Variants in RGS7 observed in about 807,000 individuals in gnomAD.
The protein encoded by RGS7 is regulator of G-protein signaling 7.
In RGS7, 27 loss-of-function variants were observed where a neutral mutation model predicts 81.1. The ratio of observed to expected loss-of-function variants is 0.33; its 90% CI spans 0.25 to 0.46. The LOEUF (loss-of-function observed/expected upper bound fraction) is 0.46. RGS7 is among the 20% of genes least tolerant of loss of function. The pLI is 1.00. For synonymous variants in RGS7, 208 were observed against 207.7 expected (o/e 1.00, Z -0.01); for missense variants, 396 against 607.4 (o/e 0.65, Z 3.66).
chr1:241,343,004 T>C (rs1467462955), intron 2 of RGS7, among the ~76,000 whole-genome samples: 1 of 152,114 alleles, frequency 6.6e-6, no homozygotes, highest in Non-Finnish European at 1.5e-5. Flanking sequence ...GGCTCACACC[T>C]GGAATCTCAG....
At chr1:240,780,657 T>C (rs961690590) in intron 18 of RGS7, among the ~76,000 whole-genome samples, 2 of 151,992 alleles carry the variant, frequency 1.3e-5, no homozygotes, top group Non-Finnish European at 2.9e-5. Flanking sequence ...GGCTGACGCC[T>C]GTAATCTCAG....
rs529748246 is a variant in RGS7 at position 240,878,604 on chromosome 1, TA to T, written c.386-8486del. ...TTAAGGCCCATTAATACATTAGAGA[TA>T]AAAACTAATGTTAGGTATATATGAG... On this transcript the variant is annotated intron_variant, in intron 6 of 18. Coordinates refer to ENST00000440928, the MANE Select transcript of RGS7 (RefSeq NM_001364886.1). Among the ~76,000 whole-genome samples the T allele has an allele frequency of 1.6e-3, 246 of 151,652 alleles. 2 individuals carry two copies. Among genetic ancestry groups the T allele is most frequent in the African/African-American group, 5.9e-3 (245 of 41,372 alleles).
intron 3 of RGS7, among the ~76,000 whole-genome samples, chr1:241,048,955 G>A (rs35683744): frequency 0.19 from 28,477 of 152,104 alleles, 2,963 homozygotes; most frequent in Non-Finnish European, 0.23. Flanking sequence ...GACACTCCTC[G>A]GCTTGCAGCT....
intron 2 of RGS7, among the ~76,000 whole-genome samples, chr1:241,348,008 C>T (rs1345362766): frequency 6.6e-6 from 1 of 152,068 alleles, no homozygotes; most frequent in Non-Finnish European, 1.5e-5. Flanking sequence ...GCTATTTGTT[C>T]AAAGTCCTTT....
rs1160188284 is a variant in RGS7 at position 240,816,370 on chromosome 1, G to C, written c.730C>G (p.His244Asp). 4.3e-6 allele frequency: 7 copies of C among 1,611,878 alleles called. No individual in the cohort carries two copies. Among genetic ancestry groups the C allele is most frequent in the Non-Finnish European group, 5.9e-6 (7 of 1,178,224 alleles). The change falls in exon 11 of 19, where the codon CAC becomes GAC. Residue 244 changes from histidine to aspartate, a missense_variant. By Grantham distance (81) the His-to-Asp change is moderately conservative. Transcript: ENST00000440928. Reference protein sequence around the residue: ...QNDIRSHSPTHTPTPETKPPT... With the variant: ...QNDIRSHSPTDTPTPETKPPT... ...GGTTTAGTTTCTGGTGTGGGTGTGT[G>C]GGTAGGACTGTGACTTCTAATATCA...
intron 3 of RGS7, among the ~76,000 whole-genome samples, chr1:241,014,418 A>G (rs1435499919): frequency 1.3e-5 from 2 of 152,218 alleles, no homozygotes; most frequent in Non-Finnish European, 2.9e-5. Context: ...TGTTACTTAA[A>G]GGCCAAATTT....
intron 16 of RGS7, 121 bp downstream of exon 16, chr1:240,802,783 G>A: frequency 1.3e-6 from 1 of 754,848 alleles, no homozygotes; most frequent in Non-Finnish European, 2.4e-6. Flanking sequence ...GTTTGGGGGA[G>A]GGTCTTGGAG....
At chr1:240,800,923 G>C (rs1302511267) in intron 17 of RGS7, among the ~76,000 whole-genome samples, 1 of 152,074 alleles carries the variant, frequency 6.6e-6, no homozygotes, top group Non-Finnish European at 1.5e-5. Context: ...ACACCTTCCT[G>C]AAAAATAAGG....
intron 2 of RGS7, among the ~76,000 whole-genome samples, chr1:241,150,635 C>T (rs987836332): frequency 3.9e-5 from 6 of 152,104 alleles, no homozygotes; most frequent in African/African-American, 1.4e-4. Flanking sequence ...ATATGTAGCC[C>T]CTGGGGTTTG....
chr1:240,929,341 C>T (rs905090338), intron 6 of RGS7, among the ~76,000 whole-genome samples: 6 of 152,156 alleles, frequency 3.9e-5, no homozygotes, highest in Non-Finnish European at 7.3e-5. Context: ...AATCAGTAGT[C>T]GTTTTGTAAA....
intron 3 of RGS7, among the ~76,000 whole-genome samples, chr1:241,012,947 C>T (rs1366070414): frequency 6.6e-6 from 1 of 152,090 alleles, no homozygotes; most frequent in Non-Finnish European, 1.5e-5. Flanking sequence ...ATGCATTCCT[C>T]TCTCACTCTT....
At chr1:241,356,233 TG>T (rs1238214476) in intron 1 of RGS7, among the ~76,000 whole-genome samples, 2 of 86,016 alleles carry the variant, frequency 2.3e-5, no homozygotes, top group African/African-American at 4.5e-5. Flanking sequence ...GGTGGGGGAG[TG>T]GGGGGCGGGT....
At chr1:240,977,000 ATCTATCATTTATC>A (rs1320301692) in intron 4 of RGS7, among the ~76,000 whole-genome samples, 6 of 146,994 alleles carry the variant, frequency 4.1e-5, no homozygotes, top group Non-Finnish European at 8.9e-5. Flanking sequence ...TTTATCTATC[ATCTATCATTTATC>A]TCTATCATTT....
chr1:241,117,902 C>T (rs2065982032), intron 2 of RGS7, among the ~76,000 whole-genome samples: 5 of 152,100 alleles, frequency 3.3e-5, no homozygotes, highest in Admixed American at 3.3e-4. Flanking sequence ...AGTCAGAATC[C>T]AGGCATAGGC....
At chr1:241,245,503 A>C (rs1392059688) in intron 2 of RGS7, among the ~76,000 whole-genome samples, 1 of 151,978 alleles carries the variant, frequency 6.6e-6, no homozygotes, top group African/African-American at 2.4e-5. Flanking sequence ...AAAAAAAAAA[A>C]AAAAGAAAAC....
chr1:241,332,562 G>A (rs952620283), intron 2 of RGS7, among the ~76,000 whole-genome samples: 2 of 152,182 alleles, frequency 1.3e-5, no homozygotes, highest in African/African-American at 2.4e-5. Flanking sequence ...AGGGAGGACT[G>A]AATGAGACAA....
At position 241,176,011 on chromosome 1, in the gene RGS7, T is replaced by C. The variant is rs543857600; in HGVS notation, c.79-77249A>G. Among the ~76,000 whole-genome samples, 4 of 152,346 alleles carry C rather than the reference T, an allele frequency of 2.6e-5. No homozygotes were observed. In the South Asian group the frequency reaches 8.3e-4, roughly 32 times the overall value. On this transcript the variant is annotated intron_variant, in intron 2 of 18. Transcript: ENST00000440928. ...TGCTATCAGTATAAGGCAAGAACTATCACTATAGCCACTTTACAAATAGGA... is the reference window on the plus strand; with the variant it reads ...TGCTATCAGTATAAGGCAAGAACTACCACTATAGCCACTTTACAAATAGGA...
At chr1:241,190,052 G>A (rs1419500509) in intron 2 of RGS7, among the ~76,000 whole-genome samples, 22 of 152,004 alleles carry the variant, frequency 1.4e-4, no homozygotes, top group East Asian at 1.9e-4. Flanking sequence ...GCAGTGAGCC[G>A]AGATGGCGCC....
intron 18 of RGS7, among the ~76,000 whole-genome samples, chr1:240,790,326 T>C (rs1002134887): frequency 5.9e-5 from 9 of 152,084 alleles, no homozygotes; most frequent in Admixed American, 1.3e-4. Context: ...ATTTATAAAT[T>C]TGTTTTTTAT....
Sources: gnomAD v4.1 joint callset for allele counts (sites outside exome capture counted in the v4.1 genomes callset) on GRCh38, gnomAD v4.1.1 for gene constraint, MANE v1.5 for transcripts, NCBI Gene and HGNC (gene_info 2026-07-23, HGNC 2026-07-21) for gene names.